Variants in FEM1B observed in about 807,000 individuals in gnomAD.
FEM1B encodes fem-1 homolog B, also known as protein fem-1 homolog B.
A neutral mutation model predicts 38.6 loss-of-function variants in FEM1B; 10 were observed. That is an observed-to-expected ratio of 0.26 (90% CI 0.16 to 0.44). The LOEUF (loss-of-function observed/expected upper bound fraction) is 0.44. FEM1B is among the 20% of genes least tolerant of loss of function. The probability of loss-of-function intolerance (pLI) is 1.00; values close to 1 mark genes in which losing one functional copy is unlikely to be tolerated. For missense variants in FEM1B, 471 were observed against 786.7 expected (o/e 0.60, Z 4.80); for synonymous variants, 288 against 288.0 (o/e 1.00, Z 0.00).
At position 68,291,098 on chromosome 15, in the gene FEM1B, T is replaced by G; in HGVS notation, c.1740T>G (p.Ser580Arg). Residue 580 changes from serine (S) to arginine (R), a missense_variant, in exon 2 of 2, where the codon AGT (serine) becomes AGG (arginine). By Grantham distance (110) the Ser-to-Arg change is moderately radical. This residue lies in a region of FEM1B where 380 missense variants were observed against 599.6 expected (regional missense o/e 0.63). Coordinates refer to ENST00000306917, the MANE Select transcript of FEM1B (RefSeq NM_015322.5). This position sits in a 1 kb window ranked among gnomAD's most constrained non-coding sequence, Gnocchi z 6.9. Reference protein sequence around the residue: ...NKQNKTPLDKSTTGVSEILLK... With the variant: ...NKQNKTPLDKRTTGVSEILLK... ...AGAATAAGACTCCGCTAGACAAAAG[T>G]ACAACTGGGGTATCTGAAATACTGC... 5 of 1,614,134 alleles carry G rather than the reference T, an allele frequency of 3.1e-6. No homozygotes were observed. The highest frequency in any genetic ancestry group is 4.2e-6 in the Non-Finnish European group (5 of 1,179,996).
Position 68,291,228 on chromosome 15 carries a change from G to A in FEM1B, c.1870G>A (p.Val624Ile), listed in dbSNP as rs1192126516. 1.3e-6 allele frequency: 2 copies of A among 1,587,250 alleles called. No individual in the cohort carries two copies. The highest frequency in any genetic ancestry group is 2.3e-5 in the South Asian group (2 of 86,400). The change falls in exon 2 of 2, where the codon GTT becomes ATT. Residue 624 changes from valine (V) to isoleucine (I), a missense_variant. Physicochemically the swap from Val to Ile is conservative, Grantham distance 29 (BLOSUM62 3). Around this residue, in one of 3 missense-constraint regions of FEM1B, gnomAD observed 380 missense variants for 599.6 expected, o/e 0.63. Transcript: ENST00000306917. The surrounding 1 kb of genome is among the most constrained non-coding windows in gnomAD (Gnocchi z 6.9). ...DQIPRTLEEF[V>I]GFH ...GATCCCCAGAACTCTTGAAGAGTTT[G>A]TTGGATTTCATTAAGTGACTGGATA...
In FEM1B at chr15:68,295,169, T is replaced by C. The variant is rs539746007; in HGVS notation, c.*3927T>C. The C allele has an allele frequency of 1.3e-5, 2 of 152,364 alleles. No homozygotes were observed. The highest frequency in any genetic ancestry group is 4.8e-5 in the African/African-American group (2 of 41,590). 9.4% of individuals were successfully genotyped at this position (152,364 alleles called of 1,614,324 possible). A position where few individuals can be genotyped will look rare whatever the true frequency, so the allele number is the denominator to read the frequency against. On this transcript the variant is annotated 3_prime_UTR_variant, in exon 2 of 2. Coordinates refer to ENST00000306917, the MANE Select transcript of FEM1B (RefSeq NM_015322.5). ...TGGTGTGTACCTTTGTGTTAATGTG[T>C]AGGGAAGAGACAGTGACTTGATGGT...
rs1400593337 is a variant in FEM1B at position 68,294,839 on chromosome 15, A to C, written c.*3597A>C. The C allele has an allele frequency of 1.3e-5, 2 of 152,216 alleles. No individual in the cohort carries two copies. The highest frequency in any genetic ancestry group is 4.8e-5 in the African/African-American group (2 of 41,462). 9.4% of individuals were successfully genotyped at this position (152,216 alleles called of 1,614,324 possible). A position where few individuals can be genotyped will look rare whatever the true frequency, so the allele number is the denominator to read the frequency against. On this transcript the variant is annotated 3_prime_UTR_variant, in exon 2 of 2. Coordinates refer to ENST00000306917, the MANE Select transcript of FEM1B (RefSeq NM_015322.5). This position sits in a 1 kb window ranked among gnomAD's most constrained non-coding sequence, Gnocchi z 4.4. ...CATTAAAAAGGGGTTAAAGAAAACA[A>C]AACTCTGCCTTTTGTGCTATGAAAT... is the stretch of plus-strand genomic sequence containing the variant.
chr15:68,289,215 A>T lies in FEM1B; in HGVS notation c.249-392A>T, dbSNP rs1892820929. The T allele has an allele frequency of 5.6e-6, 1 of 179,932 alleles. No individual in the cohort carries two copies. The highest frequency in any genetic ancestry group is 2.4e-5 in the African/African-American group (1 of 41,958). The allele number at this position is 179,932 out of a possible 1,614,324, so 11.1% of individuals were successfully genotyped here. On this transcript the variant is annotated intron_variant, in intron 1 of 1. Transcript: ENST00000306917. The surrounding 1 kb of genome is among the most constrained non-coding windows in gnomAD (Gnocchi z 6.9). ...TCATAATTGTCAGAAACTGCTTGCT[A>T]CCTGGAGGCTACTGGGAAGGAGGAA... is the stretch of plus-strand genomic sequence containing the variant.
At position 68,290,852 on chromosome 15, in the gene FEM1B, T is replaced by C. The variant is rs768111476; in HGVS notation, c.1494T>C (p.Val498=). 1 of 1,614,182 alleles carries C rather than the reference T, an allele frequency of 6.2e-7. No homozygotes were observed. The highest frequency in any genetic ancestry group is 1.1e-5 in the South Asian group (1 of 91,076). Residue 498 remains valine (V), a synonymous_variant, in exon 2 of 2, where the codon GTT becomes GTC. Coordinates refer to ENST00000306917, the MANE Select transcript of FEM1B (RefSeq NM_015322.5). The surrounding 1 kb of genome is among the most constrained non-coding windows in gnomAD (Gnocchi z 9.7). ...TGGCTGTCAATTCCAATACTCCAGT[T>C]GATGATTTCCACACCAATGACGTCT... The part of the protein sequence containing the change: ...LHLAVNSNTP[V]DDFHTNDVCS...
Position 68,280,008 on chromosome 15 carries a change from G to C in FEM1B, c.248+1343G>C, listed in dbSNP as rs1197154365. 6.6e-6 allele frequency: 1 copy of C among 152,148 alleles called. No individual in the cohort carries two copies. Among genetic ancestry groups the C allele is most frequent in the East Asian group, 1.9e-4 (1 of 5,210 alleles). The allele number at this position is 152,148 out of a possible 1,614,324, so 9.4% of individuals were successfully genotyped here. On this transcript the variant is annotated intron_variant, in intron 1 of 1. Coordinates refer to ENST00000306917, the MANE Select transcript of FEM1B (RefSeq NM_015322.5). This position sits in a 1 kb window ranked among gnomAD's most constrained non-coding sequence, Gnocchi z 4.2. ...AAGCACAGTGACCTCTGAACCTCCA[G>C]TACCGTTCCACCTGTATAGGCATAT...
rs1892727625 is a variant in FEM1B, at chr15:68,281,590, T to C, written c.248+2925T>C. On this transcript the variant is annotated intron_variant, in intron 1 of 1. Transcript: ENST00000306917. This position sits in a 1 kb window ranked among gnomAD's most constrained non-coding sequence, Gnocchi z 5.1. Reference sequence around the variant, plus strand: ...CTCGAGGGGAAAGGGACCACCCACCTAGATTAAGCCATTGATATTTGAGTT... The same window carrying C: ...CTCGAGGGGAAAGGGACCACCCACCCAGATTAAGCCATTGATATTTGAGTT... Among the ~76,000 whole-genome samples the C allele has an allele frequency of 6.6e-6, 1 of 152,174 alleles. No homozygotes were observed. The highest frequency in any genetic ancestry group is 2.4e-5 in the African/African-American group (1 of 41,432).
chr15:68,279,290 T>A (rs1892701969), intron 1 of FEM1B, among the ~76,000 whole-genome samples: 1 of 152,244 alleles, frequency 6.6e-6, no homozygotes, highest in Non-Finnish European at 1.5e-5. Context: ...GGACCTGATG[T>A]GGGAGATGAT....
Position 68,281,288 on chromosome 15 carries a change from G to T in FEM1B, c.248+2623G>T, listed in dbSNP as rs117027713. ...GTGTTTCTAATTTTTAGTCATTCAC[G>T]TGCTAGCTTCATAATTTTTGGCCAA... On this transcript the variant is annotated intron_variant, in intron 1 of 1. Coordinates refer to ENST00000306917, the MANE Select transcript of FEM1B (RefSeq NM_015322.5). The surrounding 1 kb of genome is among the most constrained non-coding windows in gnomAD (Gnocchi z 5.1). Among the ~76,000 whole-genome samples, 1 of 152,242 alleles carries T rather than the reference G, an allele frequency of 6.6e-6. No homozygotes were observed. Among genetic ancestry groups the T allele is most frequent in the East Asian group, 1.9e-4 (1 of 5,184 alleles).
At chr15:68,282,257 GTGT>G (rs146933937) in intron 1 of FEM1B, among the ~76,000 whole-genome samples, 39,226 of 151,626 alleles carry the variant, frequency 0.26, 5,711 homozygotes, top group Non-Finnish European at 0.33. Flanking sequence ...TTTTTGTTGA[GTGT>G]TGTTCTTTTA....
Position 68,293,605 on chromosome 15 carries a change from T to TGTTA in FEM1B, c.*2366_*2367insAGTT, listed in dbSNP as rs1892870490. 6.6e-6 allele frequency: 1 copy of TGTTA among 152,142 alleles called. No homozygotes were observed. Among genetic ancestry groups the TGTTA allele is most frequent in the African/African-American group, 2.4e-5 (1 of 41,400 alleles). The allele number at this position is 152,142 out of a possible 1,614,324, so 9.4% of individuals were successfully genotyped here. On this transcript the variant is annotated 3_prime_UTR_variant, in exon 2 of 2. Coordinates refer to ENST00000306917, the MANE Select transcript of FEM1B (RefSeq NM_015322.5). The surrounding 1 kb of genome is among the most constrained non-coding windows in gnomAD (Gnocchi z 5.8). ...CTATGCTAATGGTAATTAGATTTTT[T>TGTTA]GTTTGTTTAGTATAGTGGTAAATTG... is the stretch of plus-strand genomic sequence containing the variant.
chr15:68,290,491 A>G lies in FEM1B; in HGVS notation c.1133A>G (p.Asn378Ser), dbSNP rs1399414938. 15 of 1,614,102 alleles carry G rather than the reference A, an allele frequency of 9.3e-6. No individual in the cohort carries two copies. Among genetic ancestry groups the G allele is most frequent in the Admixed American group, 1.7e-5 (1 of 60,010 alleles). The stretch of plus-strand genomic sequence containing the variant: ...GCCCTGCACCTCAGACAAAAAGGTA[A>G]CAGGAACACCCACAAGGATCTTCTT... Reference protein sequence around the residue: ...LHALHLRQKGNRNTHKDLLRF... With the variant: ...LHALHLRQKGSRNTHKDLLRF... Residue 378 changes from asparagine (N) to serine (S), a missense_variant, in exon 2 of 2, where the codon AAC (asparagine) becomes AGC (serine). Transcript: ENST00000306917. The surrounding 1 kb of genome is among the most constrained non-coding windows in gnomAD (Gnocchi z 9.7).
At position 68,291,226 on chromosome 15, in the gene FEM1B, TTGTTGGATTTCA is replaced by T; in HGVS notation, c.1870_1881del (p.Val624_His627del). 1 of 1,588,068 alleles carries T rather than the reference TTGTTGGATTTCA, an allele frequency of 6.3e-7. No homozygotes were observed. Among genetic ancestry groups the T allele is most frequent in the Non-Finnish European group, 8.5e-7 (1 of 1,169,872 alleles). On this transcript the variant is annotated inframe_deletion, in exon 2 of 2. Transcript: ENST00000306917. This position sits in a 1 kb window ranked among gnomAD's most constrained non-coding sequence, Gnocchi z 6.9. ...CAGATCCCCAGAACTCTTGAAGAGT[TTGTTGGATTTCA>T]TTAAGTGACTGGATATGTAAAGTCG...
rs2140247609 is a variant in FEM1B, at chr15:68,294,290, TAAAC to T, written c.*3049_*3052del. The T allele has an allele frequency of 6.6e-6, 1 of 151,742 alleles. No homozygotes were observed. The highest frequency in any genetic ancestry group is 2.4e-5 in the African/African-American group (1 of 41,026). 9.4% of individuals were successfully genotyped at this position (151,742 alleles called of 1,614,324 possible). A position where few individuals can be genotyped will look rare whatever the true frequency, so the allele number is the denominator to read the frequency against. ...GGTTCTTTGCTGTGGGAATTTTAAATAAACCAAACCCCAAAGCAGACCATCTGTA... is the reference window on the plus strand; with the variant it reads ...GGTTCTTTGCTGTGGGAATTTTAAATCAAACCCCAAAGCAGACCATCTGTA... On this transcript the variant is annotated 3_prime_UTR_variant, in exon 2 of 2. Coordinates refer to ENST00000306917, the MANE Select transcript of FEM1B (RefSeq NM_015322.5). This position sits in a 1 kb window ranked among gnomAD's most constrained non-coding sequence, Gnocchi z 4.4.
rs917767930 is a variant in FEM1B, at chr15:68,280,562, C to G, written c.248+1897C>G. On this transcript the variant is annotated intron_variant, in intron 1 of 1. Coordinates refer to ENST00000306917, the MANE Select transcript of FEM1B (RefSeq NM_015322.5). This position sits in a 1 kb window ranked among gnomAD's most constrained non-coding sequence, Gnocchi z 4.2. ...AAGGCTTCACAGAGGAGGTGACGTTCGAGCTGTGTTTTAAAGAATAGTAGT... is the reference window on the plus strand; with the variant it reads ...AAGGCTTCACAGAGGAGGTGACGTTGGAGCTGTGTTTTAAAGAATAGTAGT... Among the ~76,000 whole-genome samples the G allele has an allele frequency of 6.6e-6, 1 of 152,076 alleles. No homozygotes were observed. Among genetic ancestry groups the G allele is most frequent in the South Asian group, 2.1e-4 (1 of 4,822 alleles).
rs116529867 is a variant in FEM1B at position 68,277,820 on chromosome 15, T to C, written c.-598T>C. 1 of 152,112 alleles carries C rather than the reference T, an allele frequency of 6.6e-6. No individual in the cohort carries two copies. The highest frequency in any genetic ancestry group is 6.5e-5 in the Admixed American group (1 of 15,282). 9.4% of individuals were successfully genotyped at this position (152,112 alleles called of 1,614,324 possible). The stretch of plus-strand genomic sequence containing the variant: ...TCCGGCGCCGCTCTTGCGGGAGCGT[T>C]CCGCATCGCCCCGGGGGCCCCTACG... On this transcript the variant is annotated 5_prime_UTR_variant, in exon 1 of 2. Transcript: ENST00000306917.
In FEM1B at chr15:68,278,561, G is replaced by T. The variant is rs779235672; in HGVS notation, c.144G>T (p.Thr48=). 1 of 1,614,088 alleles carries T rather than the reference G, an allele frequency of 6.2e-7. No individual in the cohort carries two copies. Among genetic ancestry groups the T allele is most frequent in the South Asian group, 1.1e-5 (1 of 91,082 alleles). The change falls in exon 1 of 2, where the codon ACG becomes ACT. Residue 48 remains threonine (T), a synonymous_variant. Transcript: ENST00000306917. This position sits in a 1 kb window ranked among gnomAD's most constrained non-coding sequence, Gnocchi z 5.7. ...YVSQQGGQRS[T]PLIIAARNGH... ...GCCAGCAGGGAGGGCAGCGCTCCAC[G>T]CCCCTCATCATCGCAGCCCGCAATG...
At chr15:68,283,183 G>A (rs1324922796) in intron 1 of FEM1B, among the ~76,000 whole-genome samples, 3 of 152,092 alleles carry the variant, frequency 2.0e-5, no homozygotes, top group Non-Finnish European at 2.9e-5. Flanking sequence ...CATAGATTCT[G>A]AGAAGTTTGA....
rs950766895 is a variant in FEM1B at position 68,281,687 on chromosome 15, G to T, written c.248+3022G>T. On this transcript the variant is annotated intron_variant, in intron 1 of 1. Coordinates refer to ENST00000306917, the MANE Select transcript of FEM1B (RefSeq NM_015322.5). The surrounding 1 kb of genome is among the most constrained non-coding windows in gnomAD (Gnocchi z 5.1). ...GGCTGGAGTGCAGTGGCGCGATCTC[G>T]GCTCACTGCAAGCTCTGCCTTCCGG... Among the ~76,000 whole-genome samples, 1 of 151,930 alleles carries T rather than the reference G, an allele frequency of 6.6e-6. No individual in the cohort carries two copies. The highest frequency in any genetic ancestry group is 1.9e-4 in the East Asian group (1 of 5,182).
Sources: gnomAD v4.1 joint callset for allele counts (sites outside exome capture counted in the v4.1 genomes callset) on GRCh38, gnomAD v4.1.1 for gene constraint, gnomAD v4.1.1 regional missense constraint, Gnocchi (gnomAD v3.1) non-coding constraint, MANE v1.5 for transcripts, NCBI Gene and HGNC (gene_info 2026-07-23, HGNC 2026-07-21) for gene names.